The following EPHB6 variants were observed in gnomAD, a reference collection of about 807,000 sequenced individuals.
EPHB6 encodes EPH receptor B6, also known as ephrin type-B receptor 6.
A neutral mutation model predicts 107.0 loss-of-function variants in EPHB6; 51 were observed. The observed-to-expected ratio is 0.48, with a 90% CI of 0.38 to 0.60. The LOEUF (loss-of-function observed/expected upper bound fraction) is 0.60. EPHB6 is among the 20% of genes least tolerant of loss of function. EPHB6 has a pLI of 0.00. For synonymous variants in EPHB6, 553 were observed against 549.0 expected, an observed-to-expected ratio of 1.01 and a Z score of -0.10; for missense variants, 1,141 against 1,355.5, an observed-to-expected ratio of 0.84 and a Z score of 2.48.
intron 1 of EPHB6, among the ~76,000 whole-genome samples, chr7:142,857,251 A>T (rs151184631): frequency 6.6e-6 from 1 of 152,202 alleles, no homozygotes; most frequent in Admixed American, 6.5e-5. Context: ...CCAGGGACAC[A>T]GGACTGTCCT....
chr7:142,867,893 TC>T lies in EPHB6; in HGVS notation c.1866-98del. On this transcript the variant is annotated intron_variant, in intron 12 of 19. Transcript: ENST00000652003. This position sits in a 1 kb window ranked among gnomAD's most constrained non-coding sequence, Gnocchi z 5.3. ...GATGGGCAGGAGGGCCAGGCTGTCG[TC>T]CCCCCTCCACAGACCGACTAAAGAG... 1 of 1,509,552 alleles carries T rather than the reference TC, an allele frequency of 6.6e-7. No homozygotes were observed. The highest frequency in any genetic ancestry group is 9.0e-7 in the Non-Finnish European group (1 of 1,111,654). 93.5% of individuals were successfully genotyped at this position (1,509,552 alleles called of 1,614,324 possible). A position where few individuals can be genotyped will look rare whatever the true frequency, so the allele number is the denominator to read the frequency against.
Position 142,855,352 on chromosome 7 carries a change from G to C in EPHB6, c.-465G>C, listed in dbSNP as rs905225928. On this transcript the variant is annotated 5_prime_UTR_variant, in exon 1 of 20. Coordinates refer to ENST00000652003, the MANE Select transcript of EPHB6 (RefSeq NM_004445.6). This position sits in a 1 kb window ranked among gnomAD's most constrained non-coding sequence, Gnocchi z 4.2. ...CGGGTCCACTGCGAGGCCTCGGGGG[G>C]CGCAGACCTGCAGAGACTGCGGCCA... The C allele has an allele frequency of 5.9e-5, 9 of 152,412 alleles. No individual in the cohort carries two copies. The East Asian group carries it at 1.7e-3, about 30-fold the overall frequency. 9.4% of individuals were successfully genotyped at this position (152,412 alleles called of 1,614,324 possible). A position where few individuals can be genotyped will look rare whatever the true frequency, so the allele number is the denominator to read the frequency against.
Position 142,863,174 on chromosome 7 carries a change from C to T in EPHB6, c.-54C>T. Reference sequence around the variant, plus strand: ...CTGAGTCTTGCAAAAGCTGCAGCCCCACCCAGGAGCAGGGTGGTGGCTGGG... The same window carrying T: ...CTGAGTCTTGCAAAAGCTGCAGCCCTACCCAGGAGCAGGGTGGTGGCTGGG... On this transcript the variant is annotated 5_prime_UTR_variant, in exon 5 of 20. Coordinates refer to ENST00000652003, the MANE Select transcript of EPHB6 (RefSeq NM_004445.6). The T allele has an allele frequency of 6.5e-7, 1 of 1,535,988 alleles. No individual in the cohort carries two copies. The highest frequency in any genetic ancestry group is 9.0e-7 in the Non-Finnish European group (1 of 1,112,184).
chr7:142,868,175 T>A lies in EPHB6; in HGVS notation c.1919-66T>A. The A allele has an allele frequency of 6.2e-7, 1 of 1,614,030 alleles. No homozygotes were observed. The highest frequency in any genetic ancestry group is 8.5e-7 in the Non-Finnish European group (1 of 1,179,954). The stretch of plus-strand genomic sequence containing the variant: ...ACAACCTTCTGGAGGTAAGTGGGCA[T>A]GTCTGGGGTGCGCGGGCAGCCCTGC... On this transcript the variant is annotated intron_variant, in intron 13 of 19. Coordinates refer to ENST00000652003, the MANE Select transcript of EPHB6 (RefSeq NM_004445.6). This position sits in a 1 kb window ranked among gnomAD's most constrained non-coding sequence, Gnocchi z 4.2.
In EPHB6 at chr7:142,868,685, C is replaced by G. The variant is rs2116472919; in HGVS notation, c.2232C>G (p.Pro744=). The G allele has an allele frequency of 3.1e-6, 5 of 1,613,978 alleles. No individual in the cohort carries two copies. Among genetic ancestry groups the G allele is most frequent in the Non-Finnish European group, 4.2e-6 (5 of 1,180,018 alleles). The stretch of plus-strand genomic sequence containing the variant: ...AGGGCGTGGTCACCAAGAGCCGACC[C>G]CTCATGGTGCTGACGGAGTTCATGG... ...RLEGVVTKSR[P]LMVLTEFMEL... The change falls in exon 15 of 20, where the codon CCC becomes CCG. Residue 744 remains proline (P), a synonymous_variant. Transcript: ENST00000652003. This position sits in a 1 kb window ranked among gnomAD's most constrained non-coding sequence, Gnocchi z 4.2.
At chr7:142,861,881 C>T (rs1465105456) in intron 2 of EPHB6, 136 bp from the exon 3 acceptor site, 3 of 152,194 alleles carry the variant, frequency 2.0e-5, no homozygotes, top group Admixed American at 2.0e-4. Context: ...TGGATTCAAG[C>T]AGAGTATGTA....
Position 142,857,811 on chromosome 7 carries a change from C to T in EPHB6, c.-432+2426C>T, listed in dbSNP as rs536017655. ...CGTCGAAGAGAAGCATGCATGATGTCAGCAGCGGGACAGTTGGAACTTCTT... is the reference window on the plus strand; with the variant it reads ...CGTCGAAGAGAAGCATGCATGATGTTAGCAGCGGGACAGTTGGAACTTCTT... On this transcript the variant is annotated intron_variant, in intron 1 of 19. Coordinates refer to ENST00000652003, the MANE Select transcript of EPHB6 (RefSeq NM_004445.6). Among the ~76,000 whole-genome samples, 11 of 152,324 alleles carry T rather than the reference C, an allele frequency of 7.2e-5. No individual in the cohort carries two copies. In the South Asian group the frequency reaches 2.3e-3, roughly 32 times the overall value.
chr7:142,862,128 A>T lies in EPHB6; in HGVS notation c.-185A>T, dbSNP rs1239653174. Reference sequence around the variant, plus strand: ...CTTTGTTGTGTCCTCGAATGGCAGAAAAAGGGTGAGAAAGCCCTTTGGGGT... The same window carrying T: ...CTTTGTTGTGTCCTCGAATGGCAGATAAAGGGTGAGAAAGCCCTTTGGGGT... On this transcript the variant is annotated 5_prime_UTR_variant, in exon 3 of 20. It introduces an in-frame stop codon into an upstream open reading frame of the 5' UTR. Transcript: ENST00000652003. The T allele has an allele frequency of 6.6e-6, 1 of 152,186 alleles. No homozygotes were observed. Among genetic ancestry groups the T allele is most frequent in the Non-Finnish European group, 1.5e-5 (1 of 68,044 alleles). The allele number at this position is 152,186 out of a possible 1,614,324, so 9.4% of individuals were successfully genotyped here.
chr7:142,868,786 G>T lies in EPHB6; in HGVS notation c.2286+47G>T, dbSNP rs772563376. On this transcript the variant is annotated intron_variant, in intron 15 of 19. Coordinates refer to ENST00000652003, the MANE Select transcript of EPHB6 (RefSeq NM_004445.6). The surrounding 1 kb of genome is among the most constrained non-coding windows in gnomAD (Gnocchi z 4.2). ...GAGGAGGGTCCTTGGGTCCAGGAAAGCTTCCAGGAGACGAGGTCCTGTATC... is the reference window on the plus strand; with the variant it reads ...GAGGAGGGTCCTTGGGTCCAGGAAATCTTCCAGGAGACGAGGTCCTGTATC... 49 of 1,613,330 alleles carry T rather than the reference G, an allele frequency of 3.0e-5. No individual in the cohort carries two copies. The highest frequency in any genetic ancestry group is 4.1e-5 in the Non-Finnish European group (48 of 1,180,008).
At position 142,865,470 on chromosome 7, in the gene EPHB6, C is replaced by T; in HGVS notation, c.950-5C>T. The stretch of plus-strand genomic sequence containing the variant: ...TGACGCCCCCACTCTCCTCTGCCTC[C>T]TCAGCCTGCCCACGGGGGCTCTATA... On this transcript the variant is annotated splice_region_variant and splice_polypyrimidine_tract_variant and intron_variant, in intron 7 of 19. Transcript: ENST00000652003. 1.9e-6 allele frequency: 3 copies of T among 1,613,132 alleles called. No homozygotes were observed. The highest frequency in any genetic ancestry group is 2.5e-6 in the Non-Finnish European group (3 of 1,179,996).
rs747603458 is a variant in EPHB6, at chr7:142,867,673, G to A, written c.1816G>A (p.Ala606Thr). The A allele has an allele frequency of 2.3e-5, 37 of 1,613,406 alleles. No individual in the cohort carries two copies. The highest frequency in any genetic ancestry group is 9.9e-5 in the South Asian group (9 of 90,966). ...LVIGSILGAL[A>T]FLLLAAITVL... ...GATCGGCTCCATCCTGGGGGCTTTG[G>A]CCTTCCTCCTGCTGGCAGCCATCAC... Residue 606 changes from alanine to threonine, a missense_variant, in exon 12 of 20, where the codon GCC becomes ACC. This residue lies in a region of EPHB6 where 616 missense variants were observed against 759.3 expected (regional missense o/e 0.81). Coordinates refer to ENST00000652003, the MANE Select transcript of EPHB6 (RefSeq NM_004445.6). This position sits in a 1 kb window ranked among gnomAD's most constrained non-coding sequence, Gnocchi z 5.3.
In EPHB6 at chr7:142,870,880, G is replaced by A. The variant is rs759101475; in HGVS notation, c.3045G>A (p.Arg1015=). Residue 1015 remains arginine (R), a synonymous_variant, in exon 20 of 20, where the codon AGG becomes AGA. Coordinates refer to ENST00000652003, the MANE Select transcript of EPHB6 (RefSeq NM_004445.6). ...HHIQLLQQHL[R]QQGSVEV The stretch of plus-strand genomic sequence containing the variant: ...TCCAGCTCCTTCAGCAACACCTGAG[G>A]CAGCAGGGCTCAGTGGAGGTCTGAG... 1 of 1,613,698 alleles carries A rather than the reference G, an allele frequency of 6.2e-7. No homozygotes were observed. Among genetic ancestry groups the A allele is most frequent in the Non-Finnish European group, 8.5e-7 (1 of 1,179,944 alleles).
At position 142,866,985 on chromosome 7, in the gene EPHB6, T is replaced by G; in HGVS notation, c.1667T>G (p.Ile556Ser). The change falls in exon 11 of 20, where the codon ATC (isoleucine) becomes AGC (serine). Residue 556 changes from isoleucine (I) to serine (S), a missense_variant. By Grantham distance (142) the Ile-to-Ser change is moderately radical (BLOSUM62 -2). Transcript: ENST00000652003. The surrounding 1 kb of genome is among the most constrained non-coding windows in gnomAD (Gnocchi z 5.2). ...GTGACACAGCTGAGCCCTGGCCACA[T>G]CTATGGTTTCCAGGTGCGGGCCCGG... ...ATVTQLSPGH[I>S]YGFQVRARTA... 1 of 1,613,438 alleles carries G rather than the reference T, an allele frequency of 6.2e-7. No homozygotes were observed.
rs759946110 is a variant in EPHB6, at chr7:142,868,294, G to A, written c.1972G>A (p.Ala658Thr). 1.2e-6 allele frequency: 2 copies of A among 1,614,142 alleles called. No individual in the cohort carries two copies. The highest frequency in any genetic ancestry group is 1.3e-5 in the African/African-American group (1 of 75,016). ...DPSTYEDPCQAIRELAREVDP... is the reference protein window; with the variant it reads ...DPSTYEDPCQTIRELAREVDP... ...CTCCACCTACGAGGACCCCTGTCAG[G>A]CCATCCGAGAACTTGCCCGGGAAGT... Residue 658 changes from alanine (A) to threonine (T), a missense_variant, in exon 14 of 20, where the codon GCC becomes ACC. Coordinates refer to ENST00000652003, the MANE Select transcript of EPHB6 (RefSeq NM_004445.6). This position sits in a 1 kb window ranked among gnomAD's most constrained non-coding sequence, Gnocchi z 4.2.
intron 4 of EPHB6, 119 bp from the exon 5 acceptor site, chr7:142,863,008 G>A (rs1002376817): frequency 1.7e-6 from 1 of 589,122 alleles, no homozygotes; most frequent in Admixed American, 3.0e-5. Flanking sequence ...GTGGGTGCTG[G>A]GGCGATTGGA....
chr7:142,867,305 G>A lies in EPHB6; in HGVS notation c.1750+237G>A. The A allele has an allele frequency of 1.6e-6, 1 of 631,220 alleles. No individual in the cohort carries two copies. Among genetic ancestry groups the A allele is most frequent in the African/African-American group, 1.8e-5 (1 of 54,828 alleles). 39.1% of individuals were successfully genotyped at this position (631,220 alleles called of 1,614,324 possible). ...ATAGGAGGGCTGTGGGGATGTGTGT[G>A]TGTGTTGTGTGTCCCTGGGTGTGGA... On this transcript the variant is annotated intron_variant, in intron 11 of 19. Transcript: ENST00000652003. The surrounding 1 kb of genome is among the most constrained non-coding windows in gnomAD (Gnocchi z 5.3).
chr7:142,857,941 CCTT>C (rs1344884739), intron 1 of EPHB6, among the ~76,000 whole-genome samples: 1 of 152,188 alleles, frequency 6.6e-6, no homozygotes, highest in African/African-American at 2.4e-5. Flanking sequence ...TCCACCTCTA[CCTT>C]CTTCTTATAG....
At chr7:142,856,351 T>C (rs1249646700) in intron 1 of EPHB6, among the ~76,000 whole-genome samples, 1 of 152,224 alleles carries the variant, frequency 6.6e-6, no homozygotes, top group African/African-American at 2.4e-5. Flanking sequence ...GTGGGCCTTT[T>C]TTCTCAAAGG....
rs374241859 is a variant in EPHB6, at chr7:142,864,794, C to A, written c.949+45C>A. ...GCACTTGCCCGACACCTCCCACCCA[C>A]CCCCAGCCTTTGGGCTCCTCTCTGA... On this transcript the variant is annotated intron_variant, in intron 7 of 19. Coordinates refer to ENST00000652003, the MANE Select transcript of EPHB6 (RefSeq NM_004445.6). 1.1e-5 allele frequency: 18 copies of A among 1,609,206 alleles called. No individual in the cohort carries two copies. The African/African-American group carries it at 2.1e-4, about 19-fold the overall frequency.
Sources: allele counts gnomAD v4.1 joint callset (sites outside exome capture counted in the v4.1 genomes callset), GRCh38; gene constraint gnomAD v4.1.1; regional missense constraint gnomAD v4.1.1; non-coding constraint Gnocchi (gnomAD v3.1); transcripts MANE v1.5; gene names NCBI Gene and HGNC (gene_info 2026-07-23, HGNC 2026-07-21).